GLTP: variants seen among roughly 807,000 people sequenced by gnomAD.
GLTP encodes glycolipid transfer protein.
GLTP carries 22 observed loss-of-function variants against 24.0 expected under a neutral mutation model. That is an observed-to-expected ratio of 0.92 (90% CI 0.65 to 1.31). GLTP has a LOEUF of 1.31. Among genes scored for constraint, GLTP ranks in the 50% most tolerant of loss-of-function variants. The pLI, the probability that GLTP is intolerant of heterozygous loss-of-function variation, is 0.00. For synonymous variants in GLTP, 92 were observed against 115.9 expected (o/e 0.79, Z 1.33); for missense variants, 224 against 276.6 (o/e 0.81, Z 1.35).
chr12:109,858,717 G>A lies in GLTP; in HGVS notation c.128C>T (p.Thr43Ile), dbSNP rs1892834991. 1 of 1,612,098 alleles carries A rather than the reference G, an allele frequency of 6.2e-7. No individual in the cohort carries two copies. The highest frequency in any genetic ancestry group is 2.2e-5 in the East Asian group (1 of 44,868). Residue 43 changes from threonine (T) to isoleucine (I), a missense_variant, in exon 2 of 5, where the codon ACT (threonine) becomes ATT (isoleucine). By Grantham distance (89) the Thr-to-Ile change is moderately conservative (BLOSUM62 -1). Transcript: ENST00000318348. ...FFDCLGSPVFTPIKADISGNI... is the reference protein window; with the variant it reads ...FFDCLGSPVFIPIKADISGNI... The stretch of plus-strand genomic sequence containing the variant: ...GCCGCTTATGTCTGCCTTGATGGGA[G>A]TAAACACTGGGGACCCAAGGCAATC...
chr12:109,872,182 C>A (rs1277248193), intron 1 of GLTP, among the ~76,000 whole-genome samples: 3 of 152,246 alleles, frequency 2.0e-5, no homozygotes, highest in Non-Finnish European at 4.4e-5. Flanking sequence ...AGCAGCCATG[C>A]AGCTGGCTCT....
rs1436410192 is a variant in GLTP, at chr12:109,857,455, C to T, written c.296+71G>A. 23 of 1,533,946 alleles carry T rather than the reference C, an allele frequency of 1.5e-5. 1 individual carries two copies. Among genetic ancestry groups the T allele is most frequent in the South Asian group, 4.6e-5 (4 of 86,952 alleles). ...ACCTTCCCAGCCTGAGCTGACACTG[C>T]GGAACAGTGACAGGTTTGCTTTCCC... is the stretch of plus-strand genomic sequence containing the variant. On this transcript the variant is annotated intron_variant, in intron 3 of 4. Transcript: ENST00000318348. This position sits in a 1 kb window ranked among gnomAD's most constrained non-coding sequence, Gnocchi z 4.3.
Position 109,855,750 on chromosome 12 carries a change from C to A in GLTP, c.316G>T (p.Val106Phe). The A allele has an allele frequency of 6.2e-7, 1 of 1,603,978 alleles. No homozygotes were observed. ...WLKRGLRFIQ[V>F]FLQSICDGER... ...CCGTCGCAGATGCTCTGGAGGAAGA[C>A]CTGGATGAAGCGGAGGCCTCTGTGG... is the stretch of plus-strand genomic sequence containing the variant. Residue 106 changes from valine to phenylalanine, a missense_variant, in exon 4 of 5, where the codon GTC becomes TTC. Physicochemically the swap from Val to Phe is conservative, Grantham distance 50 (BLOSUM62 -1). Coordinates refer to ENST00000318348, the MANE Select transcript of GLTP (RefSeq NM_016433.4). This position sits in a 1 kb window ranked among gnomAD's most constrained non-coding sequence, Gnocchi z 4.1.
chr12:109,867,778 CTT>C (rs11300324), intron 1 of GLTP, among the ~76,000 whole-genome samples: 155 of 131,658 alleles, frequency 1.2e-3, no homozygotes, highest in African/African-American at 1.9e-3. Flanking sequence ...TTTCTTTTCT[CTT>C]TTTTTTTTTT....
chr12:109,876,344 T>C (rs1381304310), intron 1 of GLTP, among the ~76,000 whole-genome samples: 1 of 151,836 alleles, frequency 6.6e-6, no homozygotes, highest in African/African-American at 2.4e-5. Flanking sequence ...TCCCCATCTC[T>C]ACAAAAACAA....
chr12:109,855,679 G>C lies in GLTP; in HGVS notation c.387C>G (p.Thr129=). ...TCTTGAGGGCCATCTCGTAGGCCTT[G>C]GTGGCGTTGACACGGATGAGGTTGG... ...NHPNLIRVNA[T]KAYEMALKKY... is the part of the protein sequence containing the mutation. The change falls in exon 4 of 5, where the codon ACC becomes ACG. Residue 129 remains threonine (T), a synonymous_variant. Coordinates refer to ENST00000318348, the MANE Select transcript of GLTP (RefSeq NM_016433.4). The surrounding 1 kb of genome is among the most constrained non-coding windows in gnomAD (Gnocchi z 4.1). The C allele has an allele frequency of 1.2e-6, 2 of 1,607,590 alleles. No individual in the cohort carries two copies. The highest frequency in any genetic ancestry group is 1.7e-6 in the Non-Finnish European group (2 of 1,177,268).
rs1808647808 is a variant in GLTP, at chr12:109,851,383, GA to G, written c.*1171del. Reference sequence around the variant, plus strand: ...CAACAACAACAACAAAAAACAACCAGAAAAAAGAAAACAAACAAAAAAATCT... The same window carrying G: ...CAACAACAACAACAAAAAACAACCAGAAAAAGAAAACAAACAAAAAAATCT... On this transcript the variant is annotated 3_prime_UTR_variant, in exon 5 of 5. Coordinates refer to ENST00000318348, the MANE Select transcript of GLTP (RefSeq NM_016433.4). 1.3e-5 allele frequency: 2 copies of G among 152,016 alleles called. No homozygotes were observed. The allele number at this position is 152,016 out of a possible 1,614,324, so 9.4% of individuals were successfully genotyped here.
At chr12:109,865,585 G>A (rs934905120) in intron 1 of GLTP, among the ~76,000 whole-genome samples, 13 of 151,520 alleles carry the variant, frequency 8.6e-5, no homozygotes, top group African/African-American at 2.4e-4. Flanking sequence ...TTGAGATTGC[G>A]CGTGAGATTC....
chr12:109,865,634 A>G (rs183806749), intron 1 of GLTP, among the ~76,000 whole-genome samples: 105 of 150,964 alleles, frequency 7.0e-4, no homozygotes, highest in African/African-American at 2.1e-3. Flanking sequence ...GGGTCTTACT[A>G]TTTTGCCCAG....
chr12:109,857,780 C>A lies in GLTP; in HGVS notation c.163-121G>T. The A allele has an allele frequency of 1.0e-6, 1 of 975,090 alleles. No homozygotes were observed. The highest frequency in any genetic ancestry group is 1.6e-5 in the African/African-American group (1 of 62,826). The allele number at this position is 975,090 out of a possible 1,614,324, so 60.4% of individuals were successfully genotyped here. A position where few individuals can be genotyped will look rare whatever the true frequency, so the allele number is the denominator to read the frequency against. On this transcript the variant is annotated intron_variant, in intron 2 of 4. Transcript: ENST00000318348. This position sits in a 1 kb window ranked among gnomAD's most constrained non-coding sequence, Gnocchi z 4.3. The stretch of plus-strand genomic sequence containing the variant: ...GCTCCTTCCTGCCCTCCAGGAACAG[C>A]AGGGATAAGACTTGTAACAATAACT...
chr12:109,877,144 G>A (rs1041786286), intron 1 of GLTP, among the ~76,000 whole-genome samples: 18 of 152,168 alleles, frequency 1.2e-4, no homozygotes, highest in Non-Finnish European at 5.9e-5. Context: ...GTGAGCCACC[G>A]CACCAGCCCA....
chr12:109,860,750 G>A (rs909041654), intron 1 of GLTP, among the ~76,000 whole-genome samples: 2 of 152,190 alleles, frequency 1.3e-5, no homozygotes, highest in African/African-American at 4.8e-5. Flanking sequence ...CCTGGAAACT[G>A]CCTGGCAGTG....
In GLTP at chr12:109,857,641, C is replaced by G; in HGVS notation, c.181G>C (p.Asp61His). Residue 61 changes from aspartate to histidine, a missense_variant, in exon 3 of 5, where the codon GAC becomes CAC. By Grantham distance (81) the Asp-to-His change is moderately conservative. Transcript: ENST00000318348. The surrounding 1 kb of genome is among the most constrained non-coding windows in gnomAD (Gnocchi z 4.3). Reference sequence around the variant, plus strand: ...GTCCGGAACTTGGCTGGGTTGGTGTCGTACACAGCTTTGATTTTCTGAAAT... The same window carrying G: ...GTCCGGAACTTGGCTGGGTTGGTGTGGTACACAGCTTTGATTTTCTGAAAT... ...GNITKIKAVYDTNPAKFRTLQ... is the reference protein window; with the variant it reads ...GNITKIKAVYHTNPAKFRTLQ... 6.2e-7 allele frequency: 1 copy of G among 1,614,124 alleles called. No homozygotes were observed. The highest frequency in any genetic ancestry group is 8.5e-7 in the Non-Finnish European group (1 of 1,179,992).
chr12:109,872,097 C>T (rs931701890), intron 1 of GLTP, among the ~76,000 whole-genome samples: 36 of 152,226 alleles, frequency 2.4e-4, no homozygotes, highest in Non-Finnish European at 2.4e-4. Context: ...ACCGGGTGGG[C>T]GGGTGCCACT....
intron 1 of GLTP, among the ~76,000 whole-genome samples, chr12:109,874,484 AC>A (rs1868824077): frequency 6.6e-6 from 1 of 152,036 alleles, no homozygotes; most frequent in Admixed American, 6.6e-5. Flanking sequence ...AGAAAAATCA[AC>A]CCCAGAATTT....
chr12:109,863,820 A>G (rs1466552602), intron 1 of GLTP, among the ~76,000 whole-genome samples: 2 of 146,178 alleles, frequency 1.4e-5, no homozygotes, highest in African/African-American at 2.8e-5. Context: ...CTTCCAGTGA[A>G]GAAGAGATGA....
At position 109,852,620 on chromosome 12, in the gene GLTP, C is replaced by T. The variant is rs368868680; in HGVS notation, c.565G>A (p.Ala189Thr). The T allele has an allele frequency of 1.9e-6, 3 of 1,607,534 alleles. No homozygotes were observed. The highest frequency in any genetic ancestry group is 2.2e-5 in the East Asian group (1 of 44,836). Reference protein sequence around the residue: ...KIRLFLVNYTATIDVIYEMYT... With the variant: ...KIRLFLVNYTTTIDVIYEMYT... ...ATCTCGTAGATGACATCGATGGTCG[C>T]CGTGTAGTTGACTAGGAAGAGGCGG... The change falls in exon 5 of 5, where the codon GCG becomes ACG. Residue 189 changes from alanine to threonine, a missense_variant. Transcript: ENST00000318348.
chr12:109,860,353 T>A (rs1892856240), intron 1 of GLTP: 1 of 215,360 alleles, frequency 4.6e-6, no homozygotes, highest in Non-Finnish European at 9.9e-6. Context: ...GCTGGCTATA[T>A]GAAATACACT....
intron 4 of GLTP, among the ~76,000 whole-genome samples, chr12:109,854,652 C>T (rs888356569): frequency 6.6e-6 from 1 of 152,180 alleles, no homozygotes; most frequent in Non-Finnish European, 1.5e-5. Flanking sequence ...GATTACAATT[C>T]ATGGGCAGCT....
Sources: allele counts gnomAD v4.1 joint callset (sites outside exome capture counted in the v4.1 genomes callset), GRCh38; gene constraint gnomAD v4.1.1; non-coding constraint Gnocchi (gnomAD v3.1); transcripts MANE v1.5; gene names NCBI Gene and HGNC (gene_info 2026-07-23, HGNC 2026-07-21).